The following GRIK2 variants were observed in gnomAD, a reference collection of about 807,000 sequenced individuals.
The protein encoded by GRIK2 is glutamate ionotropic receptor kainate type subunit 2, also known as glutamate receptor ionotropic, kainate 2.
GRIK2 carries 32 observed loss-of-function variants against 100.3 expected under a neutral mutation model. That is an observed-to-expected ratio of 0.32 (90% CI 0.24 to 0.43). The LOEUF is 0.43. Among genes scored for constraint, GRIK2 ranks in the 20% least tolerant of loss-of-function variants. GRIK2 has a pLI of 1.00. For missense variants in GRIK2, 843 were observed against 1,114.9 expected, an observed-to-expected ratio of 0.76 and a Z score of 3.47; for synonymous variants, 417 against 389.4, an observed-to-expected ratio of 1.07 and a Z score of -0.83.
intron 2 of GRIK2, among the ~76,000 whole-genome samples, chr6:101,620,874 G>A (rs1325915464): frequency 9.9e-5 from 15 of 152,104 alleles, no homozygotes; most frequent in Admixed American, 9.8e-4. Context: ...TAACGAGAGA[G>A]CAATGATATT....
intron 10 of GRIK2, among the ~76,000 whole-genome samples, chr6:101,846,518 T>C (rs965214345): frequency 1.3e-5 from 2 of 152,058 alleles, no homozygotes; most frequent in Admixed American, 6.6e-5. Flanking sequence ...ATCAGGGTAG[T>C]GTTGGCCTGA....
intron 14 of GRIK2, among the ~76,000 whole-genome samples, chr6:102,028,660 T>C (rs368544513): frequency 1.4e-5 from 2 of 145,072 alleles, no homozygotes; most frequent in East Asian, 4.2e-4. Flanking sequence ...ATTTAATTGA[T>C]TCTCTTGGCT....
chr6:101,394,331 A>G (rs1479687614), intron 1 of GRIK2, among the ~76,000 whole-genome samples: 1 of 152,118 alleles, frequency 6.6e-6, no homozygotes, highest in Admixed American at 6.6e-5. Flanking sequence ...TTCTGAAAAA[A>G]CTTGGAGGGC....
intron 16 of GRIK2, among the ~76,000 whole-genome samples, chr6:102,060,159 A>G (rs928091056): frequency 1.3e-5 from 2 of 150,886 alleles, no homozygotes; most frequent in East Asian, 1.9e-4. Context: ...ACTTTGGTCA[A>G]TGTAGCTGTT....
chr6:101,773,494 G>GA (rs1778539084), intron 7 of GRIK2, among the ~76,000 whole-genome samples: 5 of 126,614 alleles, frequency 3.9e-5, no homozygotes, highest in Admixed American at 7.6e-5. Flanking sequence ...AAAAAAAAAA[G>GA]GAAAAAAAAA....
chr6:101,724,420 C>T (rs1774716889), intron 7 of GRIK2, among the ~76,000 whole-genome samples: 1 of 151,788 alleles, frequency 6.6e-6, no homozygotes, highest in Non-Finnish European at 1.5e-5. Flanking sequence ...TGCTTAACTC[C>T]CACTTATAAG....
At position 101,838,553 on chromosome 6, in the gene GRIK2, G is replaced by A. The variant is rs1398415482; in HGVS notation, c.1317+20070G>A. ...CCTACGTATCAATAAGACCACAGAC[G>A]GAATTTTGTATCTGCAATTTTTCCA... is the stretch of plus-strand genomic sequence containing the variant. On this transcript the variant is annotated intron_variant, in intron 10 of 16. Coordinates refer to ENST00000369134, the MANE Select transcript of GRIK2 (RefSeq NM_021956.5). Among the ~76,000 whole-genome samples, 8 of 152,154 alleles carry A rather than the reference G, an allele frequency of 5.3e-5. No individual in the cohort carries two copies. The East Asian group carries it at 1.2e-3, about 22-fold the overall frequency.
chr6:101,676,421 C>T lies in GRIK2; in HGVS notation c.542-202C>T, dbSNP rs969409719. 2.0e-5 allele frequency among the ~76,000 whole-genome samples: 3 copies of T among 152,102 alleles called. No homozygotes were observed. The East Asian group carries it at 5.8e-4, about 29-fold the overall frequency. On this transcript the variant is annotated intron_variant, in intron 4 of 16. Coordinates refer to ENST00000369134, the MANE Select transcript of GRIK2 (RefSeq NM_021956.5). Reference sequence around the variant, plus strand: ...ATTTCAAGTTGCACCATTAAATACACTTATACATGGTCAAGAAAATTATGC... The same window carrying T: ...ATTTCAAGTTGCACCATTAAATACATTTATACATGGTCAAGAAAATTATGC...
chr6:101,662,220 AT>A (rs1769680619), intron 4 of GRIK2, among the ~76,000 whole-genome samples: 1 of 152,244 alleles, frequency 6.6e-6, no homozygotes. Flanking sequence ...CAGTAGTTGA[AT>A]GATGGCTATG....
intron 2 of GRIK2, among the ~76,000 whole-genome samples, chr6:101,615,172 G>A (rs681611): frequency 0.036 from 5,416 of 151,724 alleles, 298 homozygotes; most frequent in African/African-American, 0.12. Flanking sequence ...CAAGCCTTTT[G>A]TAGTGAAGAG....
intron 2 of GRIK2, among the ~76,000 whole-genome samples, chr6:101,519,299 A>ATGTGTG (rs1447904671): frequency 2.7e-5 from 3 of 110,514 alleles, no homozygotes; most frequent in African/African-American, 1.2e-4. Context: ...GCGGAGTTAA[A>ATGTGTG]CGTGTGTGTG....
At chr6:102,030,967 T>G (rs1207755258) in intron 14 of GRIK2, among the ~76,000 whole-genome samples, 2 of 151,032 alleles carry the variant, frequency 1.3e-5, no homozygotes, top group Non-Finnish European at 3.0e-5. Flanking sequence ...TTGATCTTCT[T>G]TCAGTTTTTT....
chr6:101,805,909 G>T (rs902101261), intron 9 of GRIK2, among the ~76,000 whole-genome samples: 3 of 152,126 alleles, frequency 2.0e-5, no homozygotes, highest in African/African-American at 4.8e-5. Context: ...AATGGGAAAA[G>T]GTGGGCCATG....
At chr6:101,559,897 T>A (rs960593597) in intron 2 of GRIK2, among the ~76,000 whole-genome samples, 4 of 152,086 alleles carry the variant, frequency 2.6e-5, no homozygotes, top group Non-Finnish European at 5.9e-5. Context: ...GGTGATATGA[T>A]GATAGAAGAA....
At chr6:101,734,215 A>G (rs1775481580) in intron 7 of GRIK2, among the ~76,000 whole-genome samples, 2 of 152,294 alleles carry the variant, frequency 1.3e-5, no homozygotes, top group African/African-American at 2.4e-5. Flanking sequence ...GACTCAAGCA[A>G]TTATGGAGAC....
chr6:101,459,780 C>CTT (rs111457676), intron 2 of GRIK2, among the ~76,000 whole-genome samples: 4 of 143,826 alleles, frequency 2.8e-5, no homozygotes, highest in Admixed American at 1.4e-4. Context: ...ACATCTCTTG[C>CTT]TTTTTTTTTT....
chr6:101,468,225 G>A (rs933370582), intron 2 of GRIK2, among the ~76,000 whole-genome samples: 1 of 152,086 alleles, frequency 6.6e-6, no homozygotes, highest in East Asian at 1.9e-4. Context: ...CCCAGGTAGT[G>A]GTAGCCAAAA....
At chr6:102,029,941 A>G (rs1769897428) in intron 14 of GRIK2, among the ~76,000 whole-genome samples, 1 of 151,226 alleles carries the variant, frequency 6.6e-6, no homozygotes, top group Admixed American at 6.6e-5. Context: ...ATATATATAA[A>G]GTTATCATAA....
chr6:101,395,047 A>G (rs1184910258), intron 1 of GRIK2, among the ~76,000 whole-genome samples: 1 of 152,254 alleles, frequency 6.6e-6, no homozygotes, highest in Non-Finnish European at 1.5e-5. Context: ...TCTAAATGTC[A>G]TTAATCATCA....
Sources: gnomAD v4.1 joint callset for allele counts (sites outside exome capture counted in the v4.1 genomes callset) on GRCh38, gnomAD v4.1.1 for gene constraint, MANE v1.5 for transcripts, NCBI Gene and HGNC (gene_info 2026-07-23, HGNC 2026-07-21) for gene names.